Variants in CADPS2 observed in about 807,000 individuals in gnomAD.
The protein encoded by CADPS2 is calcium dependent secretion activator 2.
CADPS2 carries 93 observed loss-of-function variants against 172.5 expected under a neutral mutation model. That is an observed-to-expected ratio of 0.54 (90% confidence interval 0.46 to 0.64). The LOEUF is 0.64. CADPS2 is among the 30% of genes least tolerant of loss of function. The probability of loss-of-function intolerance (pLI) is 0.00; values close to 1 mark genes in which losing one functional copy is unlikely to be tolerated. For missense variants in CADPS2, 1,420 were observed against 1,565.9 expected (o/e 0.91, Z 1.57); for synonymous variants, 546 against 555.2 (o/e 0.98, Z 0.23).
chr7:122,832,322 C>A (rs1355234516), intron 1 of CADPS2, among the ~76,000 whole-genome samples: 1 of 150,878 alleles, frequency 6.6e-6, no homozygotes, highest in African/African-American at 2.4e-5. Context: ...AAAAAACCCA[C>A]CCATGTGTGC....
chr7:122,658,949 C>T (rs982349493), intron 3 of CADPS2, among the ~76,000 whole-genome samples: 2 of 151,630 alleles, frequency 1.3e-5, no homozygotes, highest in Non-Finnish European at 1.5e-5. Context: ...CTTATGGCTA[C>T]AAGAAACACT....
intron 2 of CADPS2, among the ~76,000 whole-genome samples, chr7:122,722,401 GACAA>G (rs1296887480): frequency 7.4e-5 from 11 of 148,682 alleles, no homozygotes; most frequent in African/African-American, 2.9e-4. Context: ...ACCAATAACA[GACAA>G]ACAGAGAGCC....
At chr7:122,451,575 G>A (rs922295736) in intron 14 of CADPS2, 100 bp from the exon 15 acceptor site, 7 of 608,680 alleles carry the variant, frequency 1.2e-5, no homozygotes, top group African/African-American at 9.9e-5. Context: ...AAAGTTCACT[G>A]TATACATATT....
chr7:122,594,347 G>C (rs1233648292), intron 6 of CADPS2, among the ~76,000 whole-genome samples: 1 of 148,068 alleles, frequency 6.8e-6, no homozygotes, highest in Non-Finnish European at 1.5e-5. Context: ...AAAATATTGG[G>C]AAATGGGTTG....
intron 3 of CADPS2, among the ~76,000 whole-genome samples, chr7:122,660,021 G>A (rs1275668036): frequency 6.6e-6 from 1 of 152,108 alleles, no homozygotes; most frequent in Non-Finnish European, 1.5e-5. Context: ...CAGAGATAAG[G>A]AAAATAATAT....
intron 17 of CADPS2, among the ~76,000 whole-genome samples, chr7:122,423,740 A>C (rs1340610442): frequency 6.6e-6 from 1 of 152,162 alleles, no homozygotes; most frequent in Non-Finnish European, 1.5e-5. Context: ...CACCTGGAGG[A>C]CTTGCTAAAA....
chr7:122,377,872 C>T (rs1023256224), intron 25 of CADPS2, among the ~76,000 whole-genome samples: 3 of 151,918 alleles, frequency 2.0e-5, no homozygotes, highest in Non-Finnish European at 2.9e-5. Flanking sequence ...ATTCTAACAT[C>T]GTTTTTCTTT....
intron 17 of CADPS2, among the ~76,000 whole-genome samples, chr7:122,423,761 T>C (rs1295363002): frequency 6.6e-6 from 1 of 152,214 alleles, no homozygotes; most frequent in African/African-American, 2.4e-5. Context: ...CACAAATTGC[T>C]TGGCATCATT....
intron 2 of CADPS2, among the ~76,000 whole-genome samples, chr7:122,680,932 T>C (rs2082957542): frequency 6.6e-6 from 1 of 151,518 alleles, no homozygotes; most frequent in Non-Finnish European, 1.5e-5. Flanking sequence ...ATATACACCA[T>C]GGAATACTAT....
intron 24 of CADPS2, among the ~76,000 whole-genome samples, chr7:122,380,114 C>CA (rs1389009218): frequency 2.0e-5 from 3 of 151,220 alleles, no homozygotes; most frequent in South Asian, 4.1e-4. Context: ...AAATAAATAC[C>CA]AAAAAAAGAT....
intron 10 of CADPS2, among the ~76,000 whole-genome samples, chr7:122,491,043 T>C (rs1354851254): frequency 3.3e-5 from 5 of 152,188 alleles, no homozygotes; most frequent in Non-Finnish European, 5.9e-5. Flanking sequence ...TCTGAAAACA[T>C]TGTAATATCT....
chr7:122,722,262 G>T (rs2090508698), intron 2 of CADPS2, among the ~76,000 whole-genome samples: 1 of 152,046 alleles, frequency 6.6e-6, no homozygotes, highest in African/African-American at 2.4e-5. Flanking sequence ...GTCCCTGTTT[G>T]CAGATGACAT....
In CADPS2 at chr7:122,599,795, T is replaced by C. The variant is rs192764656; in HGVS notation, c.1223+15386A>G. On this transcript the variant is annotated intron_variant, in intron 6 of 29. Coordinates refer to ENST00000449022, the MANE Select transcript of CADPS2 (RefSeq NM_017954.11). ...TGTTACATATAATATGAAATATACATACATATAGGATACAGTATATACTAT... is the reference window on the plus strand; with the variant it reads ...TGTTACATATAATATGAAATATACACACATATAGGATACAGTATATACTAT... Among the ~76,000 whole-genome samples, 11 of 152,210 alleles carry C rather than the reference T, an allele frequency of 7.2e-5. No individual in the cohort carries two copies. In the East Asian group the frequency reaches 2.1e-3, roughly 30 times the overall value.
At chr7:122,671,168 T>C (rs2081805554) in intron 2 of CADPS2, among the ~76,000 whole-genome samples, 1 of 152,212 alleles carries the variant, frequency 6.6e-6, no homozygotes, top group Admixed American at 6.5e-5. Flanking sequence ...GTAAAAAATT[T>C]AATTCTTATC....
intron 4 of CADPS2, among the ~76,000 whole-genome samples, chr7:122,622,539 GAGA>G (rs1223178886): frequency 2.0e-5 from 3 of 152,156 alleles, no homozygotes. Flanking sequence ...ATCATTCTTA[GAGA>G]AGATTATAAT....
chr7:122,548,211 T>A (rs1055992981), intron 8 of CADPS2, among the ~76,000 whole-genome samples: 1 of 151,594 alleles, frequency 6.6e-6, no homozygotes, highest in African/African-American at 2.4e-5. Context: ...CTATAAAAAT[T>A]TTTTTAAAAA....
At chr7:122,796,337 C>A (rs1796365849) in intron 1 of CADPS2, among the ~76,000 whole-genome samples, 1 of 152,166 alleles carries the variant, frequency 6.6e-6, no homozygotes. Context: ...TGACATTCTT[C>A]ACAGAACTTG....
chr7:122,515,231 T>C (rs2060269561), intron 8 of CADPS2, among the ~76,000 whole-genome samples: 1 of 152,166 alleles, frequency 6.6e-6, no homozygotes, highest in Non-Finnish European at 1.5e-5. Context: ...GGATGGAATG[T>C]GAATTCATTT....
chr7:122,386,319 G>A (rs763236545), intron 24 of CADPS2: 2 of 1,425,904 alleles, frequency 1.4e-6, no homozygotes, highest in Non-Finnish European at 1.9e-6. Context: ...ACTGGATCAT[G>A]CCATGGGTGG....
Sources: allele counts gnomAD v4.1 joint callset (sites outside exome capture counted in the v4.1 genomes callset), GRCh38; gene constraint gnomAD v4.1.1; transcripts MANE v1.5; gene names NCBI Gene and HGNC (gene_info 2026-07-23, HGNC 2026-07-21).